Variants in BRAF observed in about 807,000 individuals in gnomAD.
BRAF encodes serine/threonine-protein kinase B-raf.
Under a neutral mutation model 104.6 loss-of-function variants are expected in BRAF, and 16 were observed. That is an observed-to-expected ratio of 0.15 (90% CI 0.10 to 0.23). BRAF has a LOEUF of 0.23. BRAF is among the 10% of genes least tolerant of loss of function. The probability of loss-of-function intolerance (pLI) is 1.00; values close to 1 mark genes in which losing one functional copy is unlikely to be tolerated. For missense variants in BRAF, 541 were observed against 937.3 expected, an observed-to-expected ratio of 0.58 and a Z score of 5.52; for synonymous variants, 310 against 341.6, an observed-to-expected ratio of 0.91 and a Z score of 1.02.
chr7:140,846,974 G>T (rs1293922850), intron 2 of BRAF, among the ~76,000 whole-genome samples: 2 of 151,874 alleles, frequency 1.3e-5, no homozygotes, highest in South Asian at 4.2e-4. Context: ...TGGCCAACAT[G>T]GTGAAACCTG....
rs1800389118 is a variant in BRAF, at chr7:140,776,951, T to C, written c.1775A>G (p.Lys592Arg). ...AGTCTGTCGTGCAATATCTATAAGT[T>C]TGATCATCTCAAATTTGGTCTCAAT... ...HIIETKFEMIKLIDIARQTAQ... is the reference protein window; with the variant it reads ...HIIETKFEMIRLIDIARQTAQ... Residue 592 changes from lysine to arginine, a missense_variant, in exon 14 of 20, where the codon AAA becomes AGA. Physicochemically the swap from Lys to Arg is conservative, Grantham distance 26 (BLOSUM62 2). Around this residue, in one of 10 missense-constraint regions of BRAF, gnomAD observed 129 missense variants for 285.8 expected, o/e 0.45. Coordinates refer to ENST00000644969, the MANE Select transcript of BRAF (RefSeq NM_001374258.1). 1 of 1,613,682 alleles carries C rather than the reference T, an allele frequency of 6.2e-7. No homozygotes were observed. The highest frequency in any genetic ancestry group is 8.5e-7 in the Non-Finnish European group (1 of 1,179,870).
intron 14 of BRAF, among the ~76,000 whole-genome samples, chr7:140,762,759 C>T (rs1268445829): frequency 6.6e-6 from 1 of 152,088 alleles, no homozygotes; most frequent in Non-Finnish European, 1.5e-5. Context: ...CTGCGGCCTT[C>T]CGCAGTGTTT....
At chr7:140,856,436 A>G in intron 1 of BRAF, among the ~76,000 whole-genome samples, 1 of 152,352 alleles carries the variant, frequency 6.6e-6, no homozygotes, top group South Asian at 2.1e-4. Flanking sequence ...CAAAGAAATC[A>G]AAGCTAATAA....
chr7:140,905,073 T>C (rs59055264), intron 1 of BRAF, among the ~76,000 whole-genome samples: 45,678 of 152,106 alleles, frequency 0.3, 10,965 homozygotes, highest in African/African-American at 0.67. Context: ...CTCAGTCAAT[T>C]TTCCCCCCAA....
At chr7:140,767,374 T>A (rs1799434695) in intron 14 of BRAF, among the ~76,000 whole-genome samples, 1 of 152,166 alleles carries the variant, frequency 6.6e-6, no homozygotes, top group Admixed American at 6.5e-5. Flanking sequence ...ATGGGAGATT[T>A]ACTCAAAAGA....
intron 2 of BRAF, among the ~76,000 whole-genome samples, chr7:140,841,201 C>A (rs1298781474): frequency 6.6e-6 from 1 of 151,244 alleles, no homozygotes; most frequent in Non-Finnish European, 1.5e-5. Context: ...TTCACACCTA[C>A]TAAGATGGCT....
chr7:140,803,582 ACAAATGAT>A (rs1253973332), intron 5 of BRAF, among the ~76,000 whole-genome samples: 4 of 152,198 alleles, frequency 2.6e-5, no homozygotes, highest in African/African-American at 9.6e-5. Flanking sequence ...ATTTTTTCTA[ACAAATGAT>A]CAATTTCTTA....
chr7:140,793,654 C>T (rs555165637), intron 8 of BRAF, among the ~76,000 whole-genome samples: 1 of 152,268 alleles, frequency 6.6e-6, no homozygotes, highest in Admixed American at 6.5e-5. Context: ...GAGACAGGGT[C>T]TCACTCTGTT....
At chr7:140,823,601 A>G (rs1238619701) in intron 3 of BRAF, 2 of 152,280 alleles carry the variant, frequency 1.3e-5, no homozygotes, top group Non-Finnish European at 2.9e-5. Context: ...TACTATAGTG[A>G]ATAATGCTGC....
At position 140,722,238 on chromosome 7, in the gene BRAF, A is replaced by G; in HGVS notation, c.*4256T>C. ...GTGCTTTAAAAAAATAATTTTGTTC[A>G]CTGAAAATTTACCTGTGTGTTTTCT... On this transcript the variant is annotated 3_prime_UTR_variant, in exon 20 of 20. Transcript: ENST00000644969. 1.9e-6 allele frequency: 2 copies of G among 1,055,902 alleles called. No individual in the cohort carries two copies. The highest frequency in any genetic ancestry group is 2.3e-6 in the Non-Finnish European group (2 of 873,484). The allele number at this position is 1,055,902 out of a possible 1,614,324, so 65.4% of individuals were successfully genotyped here.
In BRAF at chr7:140,724,649, AGTG is replaced by A. The variant is rs1471541318; in HGVS notation, c.*1842_*1844del. The stretch of plus-strand genomic sequence containing the variant: ...TGTATGTTAGCAAAAATCTAATGGT[AGTG>A]AGCTTTTAGTGGCTGCAATATAGAC... On this transcript the variant is annotated 3_prime_UTR_variant, in exon 20 of 20. Transcript: ENST00000644969. The A allele has an allele frequency of 9.7e-7, 1 of 1,035,264 alleles. No homozygotes were observed. Among genetic ancestry groups the A allele is most frequent in the Non-Finnish European group, 1.2e-6 (1 of 860,238 alleles). The allele number at this position is 1,035,264 out of a possible 1,614,324, so 64.1% of individuals were successfully genotyped here.
rs762120223 is a variant in BRAF, at chr7:140,924,541, G to A, written c.138+25C>T. 4 of 1,533,710 alleles carry A rather than the reference G, an allele frequency of 2.6e-6. No homozygotes were observed. The highest frequency in any genetic ancestry group is 4.9e-5 in the East Asian group (2 of 41,034). On this transcript the variant is annotated intron_variant, in intron 1 of 19. Transcript: ENST00000644969. The surrounding 1 kb of genome is among the most constrained non-coding windows in gnomAD (Gnocchi z 4.2). The stretch of plus-strand genomic sequence containing the variant: ...AGCCGCCGAGCCCGGAGTCGGGAGG[G>A]CGGCAGGGTGGCGCCAGCACTCACC...
chr7:140,732,525 C>T (rs983826339), intron 19 of BRAF: 1 of 152,024 alleles, frequency 6.6e-6, no homozygotes, highest in African/African-American at 2.4e-5. Context: ...TTCCGGTGGA[C>T]CTAATTTAAA....
chr7:140,900,924 A>G (rs1389280480), intron 1 of BRAF, among the ~76,000 whole-genome samples: 1 of 152,108 alleles, frequency 6.6e-6, no homozygotes, highest in Non-Finnish European at 1.5e-5. Context: ...TTTTCCTTTT[A>G]TAAGTCCCTC....
intron 1 of BRAF, among the ~76,000 whole-genome samples, chr7:140,853,118 G>GT (rs1454006897): frequency 6.6e-6 from 1 of 151,796 alleles, no homozygotes; most frequent in African/African-American, 2.4e-5. Flanking sequence ...TTCAAAAACT[G>GT]TAACTGCAGG....
At chr7:140,835,531 T>C (rs1807228907) in intron 2 of BRAF, 1 of 151,330 alleles carries the variant, frequency 6.6e-6, no homozygotes. Flanking sequence ...TAATGCTGCT[T>C]AGAGATTGGA....
intron 1 of BRAF, among the ~76,000 whole-genome samples, chr7:140,903,625 T>C (rs1424964308): frequency 1.3e-5 from 2 of 152,254 alleles, no homozygotes; most frequent in African/African-American, 2.4e-5. Context: ...GTACCTTTCA[T>C]TGGGCTATAG....
Position 140,734,626 on chromosome 7 carries a change from C to G in BRAF, c.2392G>C (p.Gly798Arg), listed in dbSNP as rs1348001321. The change falls in exon 19 of 20, where the codon GGG becomes CGG. Residue 798 changes from glycine to arginine, a missense_variant. This residue lies in a region of BRAF where 129 missense variants were observed against 285.8 expected (regional missense o/e 0.45). Transcript: ENST00000644969. The stretch of plus-strand genomic sequence containing the variant: ...TGGACAGGAAACGCACCATATCCCC[C>G]TGCCTGGATGGGTGTTTTTGGAGAA... Reference protein sequence around the residue: ...CASPKTPIQAGGYGEFAAFK With the variant: ...CASPKTPIQARGYGEFAAFK 1.2e-6 allele frequency: 2 copies of G among 1,613,750 alleles called. No individual in the cohort carries two copies. Among genetic ancestry groups the G allele is most frequent in the Non-Finnish European group, 1.7e-6 (2 of 1,179,954 alleles).
chr7:140,762,018 T>C (rs1266995303), intron 14 of BRAF, among the ~76,000 whole-genome samples: 1 of 152,158 alleles, frequency 6.6e-6, no homozygotes, highest in East Asian at 1.9e-4. Context: ...GGAATTGAAC[T>C]CAGCTCTGCA....
Sources: gnomAD v4.1 joint callset for allele counts (sites outside exome capture counted in the v4.1 genomes callset) on GRCh38, gnomAD v4.1.1 for gene constraint, gnomAD v4.1.1 regional missense constraint, Gnocchi (gnomAD v3.1) non-coding constraint, MANE v1.5 for transcripts, NCBI Gene and HGNC (gene_info 2026-07-23, HGNC 2026-07-21) for gene names.